The following GLE1 variants were observed in gnomAD, a reference collection of about 807,000 sequenced individuals.
The protein encoded by GLE1 is mRNA export factor GLE1.
A neutral mutation model predicts 97.3 loss-of-function variants in GLE1; 78 were observed. That is an observed-to-expected ratio of 0.80 (90% confidence interval 0.67 to 0.97). GLE1 has a LOEUF of 0.97. Ranked by LOEUF, GLE1 falls within the 50% of genes least tolerant of loss-of-function variation. The pLI is 0.00. For synonymous variants in GLE1, 302 were observed against 313.4 expected (o/e 0.96, Z 0.39); for missense variants, 753 against 857.5 (o/e 0.88, Z 1.52).
chr9:128,527,855 T>C (rs1847348578), intron 9 of GLE1, among the ~76,000 whole-genome samples: 1 of 148,816 alleles, frequency 6.7e-6, no homozygotes, highest in African/African-American at 2.4e-5. Flanking sequence ...TGCCAGTTAC[T>C]CAGGAGGCTG....
intron 12 of GLE1, chr9:128,536,730 A>G: frequency 2.3e-6 from 1 of 433,744 alleles, no homozygotes; most frequent in Admixed American, 3.5e-5. Flanking sequence ...GTTATAAATC[A>G]GTCATTAAGG....
At position 128,515,538 on chromosome 9, in the gene GLE1, G is replaced by A. The variant is rs1451638861; in HGVS notation, c.331G>A (p.Glu111Lys). The A allele has an allele frequency of 6.3e-7, 1 of 1,579,746 alleles. No homozygotes were observed. The highest frequency in any genetic ancestry group is 1.1e-5 in the South Asian group (1 of 90,392). ...ATPNGTKGKD[E>K]SQHTESMVLQ... ...TTTTCTGCTCATATAGGGCAAAGAT[G>A]AGTCCCAGCACACAGAATCTATGGT... Residue 111 changes from glutamate (E) to lysine (K), a missense_variant, in exon 3 of 16, where the codon GAG becomes AAG. Coordinates refer to ENST00000309971, the MANE Select transcript of GLE1 (RefSeq NM_001003722.2).
In GLE1 at chr9:128,534,593, A is replaced by G. The variant is rs149985890; in HGVS notation, c.1646+642A>G. Among the ~76,000 whole-genome samples the G allele has an allele frequency of 2.7e-4, 41 of 152,248 alleles. No homozygotes were observed. In the South Asian group the frequency reaches 6.8e-3, roughly 25 times the overall value. ...TTTTTAAATGAGGGTAATGACATCT[A>G]TTACCTCCTGTGAATTTACCTCATG... On this transcript the variant is annotated intron_variant, in intron 11 of 15. Transcript: ENST00000309971.
intron 9 of GLE1, among the ~76,000 whole-genome samples, chr9:128,531,525 C>CA (rs78169276): frequency 0.033 from 3,044 of 92,104 alleles, 43 homozygotes; most frequent in African/African-American, 0.065. Context: ...GACTTCATCT[C>CA]AAAAAAAAAA....
chr9:128,534,322 T>C (rs1303132765), intron 11 of GLE1, among the ~76,000 whole-genome samples: 2 of 151,996 alleles, frequency 1.3e-5, no homozygotes, highest in African/African-American at 4.8e-5. Context: ...TGAGCCAAGA[T>C]CGCACCAGTA....
intron 1 of GLE1, among the ~76,000 whole-genome samples, chr9:128,507,122 A>G (rs1846661183): frequency 6.6e-6 from 1 of 152,228 alleles, no homozygotes; most frequent in Non-Finnish European, 1.5e-5. Context: ...TTATATTTAC[A>G]AACCAAGATC....
intron 2 of GLE1, among the ~76,000 whole-genome samples, chr9:128,509,651 C>G (rs577816916): frequency 9.3e-4 from 117 of 126,040 alleles, no homozygotes; most frequent in East Asian, 1.3e-3. Context: ...CTCCTAAACG[C>G]AAAAAAAAAA....
chr9:128,516,582 G>A (rs1846994791), intron 3 of GLE1, among the ~76,000 whole-genome samples: 1 of 152,124 alleles, frequency 6.6e-6, no homozygotes, highest in South Asian at 2.1e-4. Context: ...GCCTCCCAGA[G>A]TGCTGGGATT....
chr9:128,504,910 C>T lies in GLE1; in HGVS notation c.99+6C>T, dbSNP rs1176206696. On this transcript the variant is annotated splice_donor_region_variant and intron_variant, in intron 1 of 15. Transcript: ENST00000309971. ...ACTGGCTGCTGCGGCGCGAGGTGAG[C>T]GGTGGCCCCGGAGGACGTAGGCCTT... The T allele has an allele frequency of 1.9e-6, 3 of 1,588,958 alleles. No individual in the cohort carries two copies. Among genetic ancestry groups the T allele is most frequent in the Non-Finnish European group, 2.6e-6 (3 of 1,157,536 alleles).
In GLE1 at chr9:128,527,329, G is replaced by C. The variant is rs367800951; in HGVS notation, c.1242+38G>C. Reference sequence around the variant, plus strand: ...TATATGGCAGTAATTTTGTGGACTTGATGGTTCTCAGAGAATGATCACTTC... The same window carrying C: ...TATATGGCAGTAATTTTGTGGACTTCATGGTTCTCAGAGAATGATCACTTC... On this transcript the variant is annotated intron_variant, in intron 8 of 15. Coordinates refer to ENST00000309971, the MANE Select transcript of GLE1 (RefSeq NM_001003722.2). The C allele has an allele frequency of 5.2e-6, 7 of 1,350,036 alleles. No individual in the cohort carries two copies. The African/African-American group carries it at 8.6e-5, about 17-fold the overall frequency. The allele number at this position is 1,350,036 out of a possible 1,614,324, so 83.6% of individuals were successfully genotyped here.
At chr9:128,510,219 G>A (rs1846767777) in intron 2 of GLE1, among the ~76,000 whole-genome samples, 1 of 151,378 alleles carries the variant, frequency 6.6e-6, no homozygotes, top group Non-Finnish European at 1.5e-5. Context: ...CACCATACTT[G>A]GCTATTTTCT....
chr9:128,519,543 T>C (rs1847080689), intron 3 of GLE1, among the ~76,000 whole-genome samples: 1 of 152,180 alleles, frequency 6.6e-6, no homozygotes, highest in African/African-American at 2.4e-5. Context: ...TCCTGCCTAA[T>C]AAATTTTGGT....
chr9:128,522,224 A>G (rs1847171152), intron 3 of GLE1, among the ~76,000 whole-genome samples: 1 of 152,234 alleles, frequency 6.6e-6, no homozygotes, highest in Non-Finnish European at 1.5e-5. Flanking sequence ...CTTAAAGATC[A>G]AGCAAAAGGA....
Position 128,527,273 on chromosome 9 carries a change from C to CAACA in GLE1, c.1225_1228dup (p.Ser410LysfsTer38). 6.3e-7 allele frequency: 1 copy of CAACA among 1,595,866 alleles called. No homozygotes were observed. Among genetic ancestry groups the CAACA allele is most frequent in the Non-Finnish European group, 8.6e-7 (1 of 1,163,416 alleles). On this transcript the variant is annotated frameshift_variant, in exon 8 of 16. Transcript: ENST00000309971. LOFTEE classifies it high-confidence loss of function. ...GTGTGTTGACCTTTGAGGGCCTGACCAACAGCAAGGACAGTCAGGTAGGGG... is the reference window on the plus strand; with the variant it reads ...GTGTGTTGACCTTTGAGGGCCTGACCAACAAACAGCAAGGACAGTCAGGTAGGGG...
Position 128,527,366 on chromosome 9 carries a change from GA to G in GLE1, c.1242+77del, listed in dbSNP as rs1196431123. On this transcript the variant is annotated intron_variant, in intron 8 of 15. Transcript: ENST00000309971. ...AGAATGATCACTTCGTGTCCCAAAGGAATGTAGCTGGCATGTCACTTTACCT... is the reference window on the plus strand; with the variant it reads ...AGAATGATCACTTCGTGTCCCAAAGGATGTAGCTGGCATGTCACTTTACCT... The G allele has an allele frequency of 5.5e-6, 7 of 1,274,370 alleles. No individual in the cohort carries two copies. The East Asian group carries it at 1.6e-4, about 29-fold the overall frequency. 78.9% of individuals were successfully genotyped at this position (1,274,370 alleles called of 1,614,324 possible). A position where few individuals can be genotyped will look rare whatever the true frequency, so the allele number is the denominator to read the frequency against.
At chr9:128,517,302 G>A (rs1048028768) in intron 3 of GLE1, among the ~76,000 whole-genome samples, 1 of 151,096 alleles carries the variant, frequency 6.6e-6, no homozygotes, top group Non-Finnish European at 1.5e-5. Context: ...AAAAAAAAAA[G>A]AAAAAGAAAA....
At position 128,527,220 on chromosome 9, in the gene GLE1, C is replaced by A; in HGVS notation, c.1171C>A (p.Gln391Lys). Reference sequence around the variant, plus strand: ...ACAAGACATTACAATGCAGTGGTACCAGCAGCTGCAGGATGCTTCCATGCA... The same window carrying A: ...ACAAGACATTACAATGCAGTGGTACAAGCAGCTGCAGGATGCTTCCATGCA... ...KVQDITMQWY[Q>K]QLQDASMQCV... Residue 391 changes from glutamine (Q) to lysine (K), a missense_variant, in exon 8 of 16, where the codon CAG becomes AAG. Transcript: ENST00000309971. 1 of 1,611,172 alleles carries A rather than the reference C, an allele frequency of 6.2e-7. No homozygotes were observed. The highest frequency in any genetic ancestry group is 1.1e-5 in the South Asian group (1 of 91,026).
intron 7 of GLE1, among the ~76,000 whole-genome samples, 159 bp downstream of exon 7, chr9:128,525,582 G>A (rs1462041158): frequency 2.0e-5 from 3 of 152,158 alleles, no homozygotes; most frequent in South Asian, 2.1e-4. Context: ...TCTGATTTAC[G>A]ATTCCAACAC....
intron 9 of GLE1, among the ~76,000 whole-genome samples, chr9:128,529,624 T>C (rs1297857878): frequency 6.6e-6 from 1 of 152,000 alleles, no homozygotes; most frequent in East Asian, 1.9e-4. Flanking sequence ...GCAACTCTAC[T>C]CCTTTGGCCT....
Sources: gnomAD v4.1 joint callset for allele counts (sites outside exome capture counted in the v4.1 genomes callset) on GRCh38, gnomAD v4.1.1 for gene constraint, MANE v1.5 for transcripts, NCBI Gene and HGNC (gene_info 2026-07-23, HGNC 2026-07-21) for gene names.